The following ANK2 variants were observed in gnomAD, a reference collection of about 807,000 sequenced individuals.
ANK2 encodes ankyrin-2.
A neutral mutation model predicts 360.5 loss-of-function variants in ANK2; 83 were observed. The observed-to-expected ratio is 0.23, with a 90% CI of 0.19 to 0.28. The LOEUF (loss-of-function observed/expected upper bound fraction) is 0.28, where lower values mean the gene tolerates loss of function less well. ANK2 is among the 10% of genes least tolerant of loss of function. ANK2 has a pLI of 1.00. For missense variants in ANK2, 4,201 were observed against 4,795.7 expected (o/e 0.88, Z 3.66); for synonymous variants, 1,740 against 1,759.5 (o/e 0.99, Z 0.28).
intron 2 of ANK2, among the ~76,000 whole-genome samples, chr4:113,032,879 A>T (rs2060711766): frequency 6.6e-6 from 1 of 152,022 alleles, no homozygotes; most frequent in South Asian, 2.1e-4. Context: ...TAGATGAAAC[A>T]TTCTTCTACC....
chr4:112,907,007 C>G (rs2085469544), intron 2 of ANK2, among the ~76,000 whole-genome samples: 1 of 152,146 alleles, frequency 6.6e-6, no homozygotes, highest in South Asian at 2.1e-4. Flanking sequence ...CTAATAAGAG[C>G]ATTTTCATGG....
At chr4:113,330,916 A>G (rs532967984) in intron 27 of ANK2, among the ~76,000 whole-genome samples, 1 of 152,174 alleles carries the variant, frequency 6.6e-6, no homozygotes, top group Non-Finnish European at 1.5e-5. Flanking sequence ...ATACCTACAA[A>G]TTTAATCAAT....
At chr4:112,973,919 C>G (rs1041563705) in intron 2 of ANK2, among the ~76,000 whole-genome samples, 2 of 152,192 alleles carry the variant, frequency 1.3e-5, no homozygotes, top group South Asian at 4.1e-4. Context: ...CGAAACTACT[C>G]ATTCTACAAG....
chr4:113,080,230 A>G (rs2154346575), intron 1 of ANK2, among the ~76,000 whole-genome samples: 1 of 152,168 alleles, frequency 6.6e-6, no homozygotes, highest in South Asian at 2.1e-4. Flanking sequence ...TTGATTCTGG[A>G]GGATGCAGTT....
In ANK2 at chr4:113,176,863, G is replaced by C. The variant is rs139687207; in HGVS notation, c.186+2346G>C. 1.1e-4 allele frequency among the ~76,000 whole-genome samples: 17 copies of C among 152,208 alleles called. No homozygotes were observed. In the East Asian group the frequency reaches 2.9e-3, roughly 26 times the overall value. ...TTCTCATTGTTCAATTCCCAGTTAT[G>C]AGTGAGAACATGCGGTGTTTGGTTT... On this transcript the variant is annotated intron_variant, in intron 2 of 45. Coordinates refer to ENST00000357077, the MANE Select transcript of ANK2 (RefSeq NM_001148.6).
chr4:113,334,429 G>A (rs1024970007), intron 29 of ANK2, among the ~76,000 whole-genome samples: 3 of 152,058 alleles, frequency 2.0e-5, no homozygotes, highest in Non-Finnish European at 4.4e-5. Context: ...CAATGACACT[G>A]CCAGTGAGCA....
chr4:113,321,179 A>G (rs1012634022), intron 26 of ANK2, among the ~76,000 whole-genome samples: 1 of 152,238 alleles, frequency 6.6e-6, no homozygotes, highest in African/African-American at 2.4e-5. Context: ...TGAGTGTTAT[A>G]TTATTGATCC....
At chr4:113,022,366 G>A (rs1407161365) in intron 2 of ANK2, among the ~76,000 whole-genome samples, 2 of 152,010 alleles carry the variant, frequency 1.3e-5, no homozygotes, top group Non-Finnish European at 2.9e-5. Context: ...TATTTGGTAC[G>A]CAATTCCAGG....
intron 1 of ANK2, among the ~76,000 whole-genome samples, chr4:112,824,056 A>G (rs564146469): frequency 1.7e-4 from 26 of 152,284 alleles, no homozygotes; most frequent in Non-Finnish European, 1.5e-4. Flanking sequence ...ATTATACCCT[A>G]AACTTTAGAT....
intron 1 of ANK2, among the ~76,000 whole-genome samples, chr4:113,147,197 C>T (rs931422225): frequency 1.3e-5 from 2 of 152,036 alleles, no homozygotes; most frequent in African/African-American, 2.4e-5. Context: ...GGAGGGAGGC[C>T]GTCCCAGGGA....
rs1578440196 is a variant in ANK2, at chr4:112,989,237, T to G, written c.21+84723T>G. 2.0e-5 allele frequency among the ~76,000 whole-genome samples: 3 copies of G among 152,282 alleles called. No individual in the cohort carries two copies. In the East Asian group the frequency reaches 5.8e-4, roughly 29 times the overall value. On this transcript the variant is annotated intron_variant, in intron 2 of 30. Coordinates refer to the ANK2 transcript ENST00000503271. ...TAATATAGAATTTTAATAATAATAA[T>G]GTAATATAGCTGAAACTCATATAAT... is the stretch of plus-strand genomic sequence containing the variant.
At chr4:112,765,241 C>T in the ANK2 span, among the ~76,000 whole-genome samples, 34 of 152,108 alleles carry the variant, frequency 2.2e-4, no homozygotes, top group Non-Finnish European at 3.7e-4. Context: ...TTTAAACATC[C>T]GCAATTGTCC....
the ANK2 span, among the ~76,000 whole-genome samples, chr4:112,745,829 G>A: frequency 5.3e-5 from 8 of 152,032 alleles, no homozygotes; most frequent in East Asian, 3.9e-4. Flanking sequence ...CACTGCGCCC[G>A]GCCCCAATTA....
In ANK2 at chr4:112,860,715, A is replaced by C. The variant is rs149534882; in HGVS notation, c.-40+42451A>C. ...TAGTGGGTTTAATGAGTACCAGTGG[A>C]ATATATTAAAAGTTAACATTTTAAA... On this transcript the variant is annotated intron_variant, in intron 1 of 30. Coordinates refer to the ANK2 transcript ENST00000503271. Among the ~76,000 whole-genome samples, 492 of 152,270 alleles carry C rather than the reference A, an allele frequency of 3.2e-3. 1 individual carries two copies. The highest frequency in any genetic ancestry group is 6.5e-3 in the Admixed American group (99 of 15,294).
chr4:113,199,512 G>A (rs2098798856), intron 4 of ANK2, among the ~76,000 whole-genome samples: 1 of 151,978 alleles, frequency 6.6e-6, no homozygotes, highest in Admixed American at 6.6e-5. Context: ...GCCATAAGGT[G>A]GGAATAACAC....
intron 1 of ANK2, among the ~76,000 whole-genome samples, chr4:113,084,127 A>G (rs113961827): frequency 9.6e-4 from 147 of 152,356 alleles, no homozygotes; most frequent in African/African-American, 3.4e-3. Context: ...CAGCTGGTCC[A>G]CTGAGGAACT....
In ANK2 at chr4:112,925,262, G is replaced by A. The variant is rs2092376592; in HGVS notation, c.21+20748G>A. Among the ~76,000 whole-genome samples the A allele has an allele frequency of 2.6e-5, 4 of 152,142 alleles. No individual in the cohort carries two copies. In the South Asian group the frequency reaches 8.3e-4, roughly 31 times the overall value. ...GTGATAAAAGCTAGTTTTTTGAAAT[G>A]TACAAGAAAGAAAAGAGCAAAGAAT... is the stretch of plus-strand genomic sequence containing the variant. On this transcript the variant is annotated intron_variant, in intron 2 of 30. Coordinates refer to the ANK2 transcript ENST00000503271.
chr4:112,829,176 TG>T (rs558796584), intron 1 of ANK2, among the ~76,000 whole-genome samples: 166 of 151,974 alleles, frequency 1.1e-3, no homozygotes, highest in Non-Finnish European at 2.1e-3. Context: ...AATGAGTGAA[TG>T]AATGAATGAA....
At chr4:113,103,435 A>G (rs2154361053) in intron 1 of ANK2, among the ~76,000 whole-genome samples, 1 of 152,278 alleles carries the variant, frequency 6.6e-6, no homozygotes, top group African/African-American at 2.4e-5. Context: ...AGTATTATCT[A>G]AGACTGAAGA....
Sources: allele counts gnomAD v4.1 joint callset (sites outside exome capture counted in the v4.1 genomes callset), GRCh38; gene constraint gnomAD v4.1.1; transcripts MANE v1.5; gene names NCBI Gene and HGNC (gene_info 2026-07-23, HGNC 2026-07-21).